The following LTBR variants were observed in gnomAD, a reference collection of about 807,000 sequenced individuals.
LTBR encodes lymphotoxin beta receptor.
A neutral mutation model predicts 45.4 loss-of-function variants in LTBR; 15 were observed. The ratio of observed to expected loss-of-function variants is 0.33; its 90% CI spans 0.22 to 0.51. The LOEUF (loss-of-function observed/expected upper bound fraction) is 0.51, where lower values mean the gene tolerates loss of function less well. Among genes scored for constraint, LTBR ranks in the 20% least tolerant of loss-of-function variants. The probability of loss-of-function intolerance (pLI) is 0.97; values close to 1 mark genes in which losing one functional copy is unlikely to be tolerated. For missense variants in LTBR, 450 were observed against 565.5 expected (o/e 0.80, Z 2.07); for synonymous variants, 228 against 231.0 (o/e 0.99, Z 0.12).
Position 6,390,204 on chromosome 12 carries a change from T to C in LTBR, c.894T>C (p.Ser298=), listed in dbSNP as rs1434983742. ...PDLVQPLLPI[S]GDVSPVSTGL... is the part of the protein sequence containing the mutation. The stretch of plus-strand genomic sequence containing the variant: ...TGGTACAGCCACTGCTACCCATTTC[T>C]GGAGATGTTTCCCCAGTATCCACTG... Residue 298 remains serine, a synonymous_variant, in exon 9 of 10, where the codon TCT becomes TCC. Coordinates refer to ENST00000228918, the MANE Select transcript of LTBR (RefSeq NM_002342.3). 2 of 1,614,066 alleles carry C rather than the reference T, an allele frequency of 1.2e-6. No homozygotes were observed. The highest frequency in any genetic ancestry group is 2.7e-5 in the African/African-American group (2 of 75,028).
At chr12:6,377,270 A>C in intron 1 of LTBR, 1 of 1,550,594 alleles carries the variant, frequency 6.4e-7, no homozygotes, top group Non-Finnish European at 8.7e-7. Flanking sequence ...TGCTCATGAT[A>C]CCTCCCCTTG....
chr12:6,376,040 G>C lies in LTBR; in HGVS notation c.39+446G>C, dbSNP rs999754425. 10 of 994,174 alleles carry C rather than the reference G, an allele frequency of 1.0e-5. No homozygotes were observed. The East Asian group carries it at 3.3e-4, about 33-fold the overall frequency. 61.6% of individuals were successfully genotyped at this position (994,174 alleles called of 1,614,324 possible). A position where few individuals can be genotyped will look rare whatever the true frequency, so the allele number is the denominator to read the frequency against. On this transcript the variant is annotated intron_variant, in intron 1 of 9. Transcript: ENST00000539925. ...TCTGTCTCCAGGAAGGAGAGCAAGG[G>C]GGGAGTCCCAAGTGTGCTTCCAGGA...
Position 6,388,273 on chromosome 12 carries a change from G to A in LTBR, c.668-125G>A. The stretch of plus-strand genomic sequence containing the variant: ...GCCTTTAGGAGCTGCATTGTGTCTA[G>A]AAGGAAAAAAGCTGCTCCCTTTTCT... On this transcript the variant is annotated intron_variant, in intron 6 of 9. Coordinates refer to ENST00000228918, the MANE Select transcript of LTBR (RefSeq NM_002342.3). The surrounding 1 kb of genome is among the most constrained non-coding windows in gnomAD (Gnocchi z 4.3). 1 of 683,806 alleles carries A rather than the reference G, an allele frequency of 1.5e-6. No homozygotes were observed. The highest frequency in any genetic ancestry group is 2.6e-6 in the Non-Finnish European group (1 of 387,384). The allele number at this position is 683,806 out of a possible 1,614,324, so 42.4% of individuals were successfully genotyped here.
At chr12:6,375,521 C>T in exon 1 of LTBR, 1 of 1,535,458 alleles carries the variant, frequency 6.5e-7, no homozygotes, top group Non-Finnish European at 8.7e-7. Context: ...GGTGCAGCGG[C>T]CTGGCTGGGG....
upstream of LTBR, among the ~76,000 whole-genome samples, chr12:6,382,660 A>C (rs1479591163): frequency 6.6e-6 from 1 of 152,208 alleles, no homozygotes. Flanking sequence ...TCACAGAGTG[A>C]AATGCCTACA....
chr12:6,376,147 G>T, intron 1 of LTBR: 2 of 985,994 alleles, frequency 2.0e-6, no homozygotes, highest in Non-Finnish European at 2.4e-6. Flanking sequence ...GAAGAGAGAA[G>T]AGGTCTCTGC....
chr12:6,390,068 C>G (rs543969304), intron 8 of LTBR, 44 bp from the exon 9 acceptor site: 6 of 1,309,384 alleles, frequency 4.6e-6, no homozygotes, highest in East Asian at 2.3e-5. Context: ...AAAAAAGGGT[C>G]TGGGGCCCTC....
intron 9 of LTBR, 116 bp from the exon 10 acceptor site, chr12:6,390,544 A>G (rs1949101285): frequency 6.1e-6 from 7 of 1,139,532 alleles, no homozygotes; most frequent in Non-Finnish European, 8.7e-6. Flanking sequence ...ATAAACCAGC[A>G]GCAAGCAGGA....
At chr12:6,375,624 G>A (rs1411271111) in intron 1 of LTBR, 4 of 1,498,640 alleles carry the variant, frequency 2.7e-6, no homozygotes, top group South Asian at 1.2e-5. Flanking sequence ...GGGCTGAGGA[G>A]GAGTCAGAGC....
At chr12:6,376,277 C>T (rs887724547) in intron 1 of LTBR, 41 of 735,398 alleles carry the variant, frequency 5.6e-5, no homozygotes, top group African/African-American at 4.4e-4. Context: ...TGTCCAGACC[C>T]GGGAGGGGCC....
In LTBR at chr12:6,376,259, T is replaced by C. The variant is rs72645146; in HGVS notation, c.39+665T>C. Reference sequence around the variant, plus strand: ...TTCCTGCTGATTCCTCGCCACCCCCTCCAACCTTGTCCAGACCCGGGAGGG... The same window carrying C: ...TTCCTGCTGATTCCTCGCCACCCCCCCCAACCTTGTCCAGACCCGGGAGGG... On this transcript the variant is annotated intron_variant, in intron 1 of 9. Coordinates refer to the LTBR transcript ENST00000539925. 6.5e-5 allele frequency: 57 copies of C among 881,530 alleles called. No homozygotes were observed. In the African/African-American group the frequency reaches 9.8e-4, roughly 15 times the overall value. 54.6% of individuals were successfully genotyped at this position (881,530 alleles called of 1,614,324 possible). A position where few individuals can be genotyped will look rare whatever the true frequency, so the allele number is the denominator to read the frequency against.
Position 6,384,704 on chromosome 12 carries a change from C to G in LTBR, c.193+20C>G, listed in dbSNP as rs1471880627. ...CGCCAGGTGAGAGGCAATGGCAGGA[C>G]GAACCTGGGCCTCGGAAGTGGGTCA... On this transcript the variant is annotated intron_variant, in intron 2 of 9. Coordinates refer to ENST00000228918, the MANE Select transcript of LTBR (RefSeq NM_002342.3). The G allele has an allele frequency of 1.9e-6, 3 of 1,609,874 alleles. No homozygotes were observed. The highest frequency in any genetic ancestry group is 1.7e-4 in the Middle Eastern group (1 of 6,054).
chr12:6,377,492 GA>G, intron 1 of LTBR: 1 of 664,328 alleles, frequency 1.5e-6, no homozygotes, highest in Admixed American at 2.6e-5. Flanking sequence ...GGTGCACCTG[GA>G]TGTGAAAGCC....
intron 1 of LTBR, chr12:6,375,603 G>A: frequency 4.6e-6 from 6 of 1,292,472 alleles, no homozygotes; most frequent in Non-Finnish European, 6.4e-6. Context: ...AGGTGAGCAG[G>A]GCGGGGGGAG....
chr12:6,390,074 C>G, intron 8 of LTBR, 38 bp from the exon 9 acceptor site: 1 of 1,354,998 alleles, frequency 7.4e-7, no homozygotes, highest in Non-Finnish European at 1.1e-6. Context: ...GGGTCTGGGG[C>G]CCTCATCATT....
rs41332645 is a variant in LTBR at position 6,388,415 on chromosome 12, G to T, written c.685G>T (p.Ala229Ser). ...PEMSGTMLML[A>S]VLLPLAFFLL... Reference sequence around the variant, plus strand: ...CCTGGCAGGAACCATGCTGATGCTGGCCGTTCTGCTGCCACTGGCCTTCTT... The same window carrying T: ...CCTGGCAGGAACCATGCTGATGCTGTCCGTTCTGCTGCCACTGGCCTTCTT... Residue 229 changes from alanine (A) to serine (S), a missense_variant, in exon 7 of 10, where the codon GCC becomes TCC. By Grantham distance (99) the Ala-to-Ser change is moderately conservative. This residue lies in a region of LTBR where 367 missense variants were observed against 435.4 expected (regional missense o/e 0.84). Coordinates refer to ENST00000228918, the MANE Select transcript of LTBR (RefSeq NM_002342.3). This position sits in a 1 kb window ranked among gnomAD's most constrained non-coding sequence, Gnocchi z 4.3. 5.8e-3 allele frequency: 9,306 copies of T among 1,613,708 alleles called. 55 individuals carry two copies. The highest frequency in any genetic ancestry group is 0.01 in the South Asian group (949 of 91,080).
chr12:6,387,647 C>T, intron 6 of LTBR: 1 of 252,404 alleles, frequency 4.0e-6, no homozygotes, highest in South Asian at 3.3e-5. Context: ...TGCGGGAGTC[C>T]TCCCGCCCTT....
intron 1 of LTBR, chr12:6,377,786 T>G: frequency 1.6e-6 from 1 of 613,468 alleles, no homozygotes; most frequent in Non-Finnish European, 2.7e-6. Flanking sequence ...ATCCAACCAC[T>G]AGCTTAAGGC....
At chr12:6,383,995 A>C, upstream of LTBR, 1 of 1,130,888 alleles carries the variant, frequency 8.8e-7, no homozygotes, top group Non-Finnish European at 1.1e-6. Flanking sequence ...GCTTCCGAAG[A>C]AGGGAGGAGG....
Sources: gnomAD v4.1 joint callset for allele counts (sites outside exome capture counted in the v4.1 genomes callset) on GRCh38, gnomAD v4.1.1 for gene constraint, gnomAD v4.1.1 regional missense constraint, Gnocchi (gnomAD v3.1) non-coding constraint, MANE v1.5 for transcripts, NCBI Gene and HGNC (gene_info 2026-07-23, HGNC 2026-07-21) for gene names.